The following ARMC9 variants were observed in gnomAD, a reference collection of about 807,000 sequenced individuals.
The protein encoded by ARMC9 is lisH domain-containing protein ARMC9.
In ARMC9, 94 loss-of-function variants were observed where a neutral mutation model predicts 107.0. That is an observed-to-expected ratio of 0.88 (90% CI 0.74 to 1.04). The LOEUF (loss-of-function observed/expected upper bound fraction) is 1.04, where lower values mean the gene tolerates loss of function less well. ARMC9 is among the 50% of genes least tolerant of loss of function. The probability of loss-of-function intolerance (pLI) is 0.00; values close to 1 mark genes in which losing one functional copy is unlikely to be tolerated. For synonymous variants in ARMC9, 380 were observed against 396.9 expected, an observed-to-expected ratio of 0.96 and a Z score of 0.51; for missense variants, 942 against 1,030.1, an observed-to-expected ratio of 0.91 and a Z score of 1.17.
At chr2:231,324,637 G>A (rs1252342235) in intron 19 of ARMC9, among the ~76,000 whole-genome samples, 2 of 151,860 alleles carry the variant, frequency 1.3e-5, no homozygotes, top group South Asian at 2.1e-4. Flanking sequence ...CCAGCTACTC[G>A]GGAGGCTGAG....
At position 231,291,443 on chromosome 2, in the gene ARMC9, G is replaced by A. The variant is rs201888838; in HGVS notation, c.1717G>A (p.Glu573Lys). Residue 573 changes from glutamate (E) to lysine (K), a missense_variant and splice_region_variant, in exon 18 of 25, where the codon GAA becomes AAA. Physicochemically the swap from Glu to Lys is moderately conservative, Grantham distance 56 (BLOSUM62 1). Coordinates refer to ENST00000611582, the MANE Select transcript of ARMC9 (RefSeq NM_001352754.2). ...IEFIIKQLNS[E>K]ELPDGVLESD... Reference sequence around the variant, plus strand: ...ATTCATCATCAAGCAGCTAAATTCCGGTCAGTTTGATGCAAGAATCTTTGA... The same window carrying A: ...ATTCATCATCAAGCAGCTAAATTCCAGTCAGTTTGATGCAAGAATCTTTGA... The A allele has an allele frequency of 7.5e-5, 121 of 1,611,898 alleles. No homozygotes were observed. The highest frequency in any genetic ancestry group is 9.2e-5 in the Non-Finnish European group (109 of 1,178,756).
intron 8 of ARMC9, among the ~76,000 whole-genome samples, chr2:231,238,264 A>G (rs911519817): frequency 6.6e-5 from 10 of 152,348 alleles, no homozygotes; most frequent in African/African-American, 2.2e-4. Flanking sequence ...TGTTTTTAAT[A>G]TGAAATATAT....
intron 7 of ARMC9, among the ~76,000 whole-genome samples, chr2:231,232,869 G>C (rs1290643724): frequency 6.6e-6 from 1 of 151,432 alleles, no homozygotes; most frequent in Non-Finnish European, 1.5e-5. Flanking sequence ...ATTTATTTTT[G>C]AGACAGAGTC....
At chr2:231,311,941 C>CCCT (rs2042377088) in intron 19 of ARMC9, among the ~76,000 whole-genome samples, 1 of 152,026 alleles carries the variant, frequency 6.6e-6, no homozygotes, top group South Asian at 2.1e-4. Context: ...ACCACCCACC[C>CCCT]CCTCAAGTTC....
rs974916571 is a variant in ARMC9 at position 231,214,875 on chromosome 2, C to T, written c.222C>T (p.Phe74=). 2.5e-6 allele frequency: 4 copies of T among 1,613,982 alleles called. No individual in the cohort carries two copies. The highest frequency in any genetic ancestry group is 1.7e-5 in the Admixed American group (1 of 59,976). Residue 74 remains phenylalanine, a synonymous_variant, in exon 4 of 25, where the codon TTC becomes TTT. Coordinates refer to ENST00000611582, the MANE Select transcript of ARMC9 (RefSeq NM_001352754.2). ...AAFDNGDQKV[F]FDLWEEHISS... is the part of the protein sequence containing the mutation. ...TTGACAACGGAGACCAGAAGGTGTT[C>T]TTCGATCTGTGGGAGGAGCACATTT...
chr2:231,301,672 A>T (rs2041733246), intron 19 of ARMC9, among the ~76,000 whole-genome samples: 1 of 152,124 alleles, frequency 6.6e-6, no homozygotes, highest in Admixed American at 6.5e-5. Flanking sequence ...AATCTTTTTT[A>T]AAATTTTTTT....
chr2:231,248,852 T>C (rs951013440), intron 9 of ARMC9, among the ~76,000 whole-genome samples: 1 of 145,384 alleles, frequency 6.9e-6, no homozygotes, highest in Non-Finnish European at 1.5e-5. Flanking sequence ...TAGCAGCCCC[T>C]TCCGCATCTG....
chr2:231,296,367 CTCACAAT>C, intron 19 of ARMC9, 114 bp downstream of exon 19: 2 of 950,494 alleles, frequency 2.1e-6, no homozygotes, highest in Non-Finnish European at 3.2e-6. Flanking sequence ...TACACTATTT[CTCACAAT>C]TCTGAGGGTT....
chr2:231,284,658 C>T (rs2040454767), intron 17 of ARMC9, among the ~76,000 whole-genome samples: 1 of 152,114 alleles, frequency 6.6e-6, no homozygotes, highest in African/African-American at 2.4e-5. Context: ...TTTAGAAAAA[C>T]CTACTCTCAG....
chr2:231,369,354 G>A (rs1246363695), intron 23 of ARMC9, among the ~76,000 whole-genome samples: 4 of 151,788 alleles, frequency 2.6e-5, no homozygotes, highest in African/African-American at 7.3e-5. Context: ...GTGCAGTGGC[G>A]TGATCTTGTC....
chr2:231,355,934 T>C lies in ARMC9; in HGVS notation c.2131T>C (p.Ser711Pro). The change falls in exon 22 of 25, where the codon TCA (serine) becomes CCA (proline). Residue 711 changes from serine to proline, a missense_variant and splice_region_variant. Ser to Pro is a moderately conservative substitution (Grantham distance 74). Transcript: ENST00000611582. ...CCCGGAGTCCTGCGTCTCCTCTTCA[T>C]GTAAGAATGTGGGCAGCACACTGGG... is the stretch of plus-strand genomic sequence containing the variant. The part of the protein sequence containing the change: ...STPESCVSSS[S>P]AIIAKPGEWL... 1 of 1,534,834 alleles carries C rather than the reference T, an allele frequency of 6.5e-7. No homozygotes were observed. Among genetic ancestry groups the C allele is most frequent in the Non-Finnish European group, 8.7e-7 (1 of 1,145,924 alleles).
rs1418583654 is a variant in ARMC9, at chr2:231,259,179, T to C, written c.1026+77T>C. On this transcript the variant is annotated intron_variant, in intron 11 of 24. Transcript: ENST00000611582. Reference sequence around the variant, plus strand: ...TTCTTGGCTGGCTACCTTGCTTATATCTTTTAACCCATCTTCCAGAAATCT... The same window carrying C: ...TTCTTGGCTGGCTACCTTGCTTATACCTTTTAACCCATCTTCCAGAAATCT... 7.3e-6 allele frequency: 9 copies of C among 1,225,800 alleles called. No homozygotes were observed. In the Admixed American group the frequency reaches 1.6e-4, roughly 22 times the overall value. 75.9% of individuals were successfully genotyped at this position (1,225,800 alleles called of 1,614,324 possible).
At chr2:231,222,679 T>C in intron 5 of ARMC9, 49 bp from the exon 6 acceptor site, 1 of 1,086,850 alleles carries the variant, frequency 9.2e-7, no homozygotes, top group Non-Finnish European at 1.4e-6. Flanking sequence ...ATGATGCTAT[T>C]GGTACTTAGT....
intron 20 of ARMC9, among the ~76,000 whole-genome samples, chr2:231,343,368 A>G (rs116733671): frequency 4.6e-5 from 7 of 151,624 alleles, no homozygotes; most frequent in Non-Finnish European, 7.4e-5. Flanking sequence ...GCAGAAATCA[A>G]AGATGAAATT....
chr2:231,218,993 C>T (rs2033828800), intron 5 of ARMC9, among the ~76,000 whole-genome samples: 1 of 152,112 alleles, frequency 6.6e-6, no homozygotes, highest in African/African-American at 2.4e-5. Context: ...CTCAGGTGAT[C>T]CGCCTGCCTC....
chr2:231,368,900 G>C (rs2045912927), intron 23 of ARMC9, among the ~76,000 whole-genome samples: 1 of 152,222 alleles, frequency 6.6e-6, no homozygotes, highest in South Asian at 2.1e-4. Context: ...TGGGATTACA[G>C]GCATGAGCCA....
At chr2:231,257,507 C>T (rs971709538) in intron 10 of ARMC9, among the ~76,000 whole-genome samples, 1 of 152,176 alleles carries the variant, frequency 6.6e-6, no homozygotes, top group African/African-American at 2.4e-5. Context: ...CCACAGCCTT[C>T]CTCCTCCCTC....
At chr2:231,254,804 C>G (rs999485255) in intron 9 of ARMC9, among the ~76,000 whole-genome samples, 2 of 152,192 alleles carry the variant, frequency 1.3e-5, no homozygotes, top group African/African-American at 4.8e-5. Flanking sequence ...CACCCAGCTT[C>G]AGCAATAAAT....
rs552013843 is a variant in ARMC9 at position 231,370,950 on chromosome 2, C to T, written c.2435-563C>T. On this transcript the variant is annotated intron_variant, in intron 24 of 24. Coordinates refer to ENST00000611582, the MANE Select transcript of ARMC9 (RefSeq NM_001352754.2). ...ACTACCTTCCTGGCCAGGCCCTGGGCGCTCTGGTCAGCTGGGGACACGCTG... is the reference window on the plus strand; with the variant it reads ...ACTACCTTCCTGGCCAGGCCCTGGGTGCTCTGGTCAGCTGGGGACACGCTG... The T allele has an allele frequency of 9.9e-4, 396 of 399,564 alleles. 1 individual carries two copies. Among genetic ancestry groups the T allele is most frequent in the South Asian group, 2.6e-3 (148 of 57,506 alleles). The allele number at this position is 399,564 out of a possible 1,614,324, so 24.8% of individuals were successfully genotyped here.
Sources: gnomAD v4.1 joint callset for allele counts (sites outside exome capture counted in the v4.1 genomes callset) on GRCh38, gnomAD v4.1.1 for gene constraint, MANE v1.5 for transcripts, NCBI Gene and HGNC (gene_info 2026-07-23, HGNC 2026-07-21) for gene names.